MTMR2: variants seen among roughly 807,000 people sequenced by gnomAD.
The protein encoded by MTMR2 is myotubularin related protein 2, also known as phosphatidylinositol-3,5-bisphosphate 3-phosphatase MTMR2.
MTMR2 carries 55 observed loss-of-function variants against 86.9 expected under a neutral mutation model. The observed-to-expected ratio is 0.63, with a 90% confidence interval of 0.51 to 0.79. The LOEUF is 0.79. Ranked by LOEUF, MTMR2 falls within the 30% of genes least tolerant of loss-of-function variation. MTMR2 has a pLI of 0.00. For synonymous variants in MTMR2, 241 were observed against 266.8 expected, an observed-to-expected ratio of 0.90 and a Z score of 0.94; for missense variants, 659 against 772.3, an observed-to-expected ratio of 0.85 and a Z score of 1.74.
At chr11:95,861,853 T>C (rs1432611101) in intron 5 of MTMR2, 139 bp downstream of exon 5, 3 of 720,794 alleles carry the variant, frequency 4.2e-6, no homozygotes, top group Non-Finnish European at 7.0e-6. Context: ...TTTTGTTTTC[T>C]TCTATCAATG....
At chr11:95,884,038 G>A (rs150830780) in intron 2 of MTMR2, among the ~76,000 whole-genome samples, 56 of 152,266 alleles carry the variant, frequency 3.7e-4, no homozygotes, top group African/African-American at 1.2e-3. Flanking sequence ...AAGCCTAGAG[G>A]TTAACCAGCT....
intron 1 of MTMR2, among the ~76,000 whole-genome samples, chr11:95,894,706 A>T (rs765491394): frequency 4.6e-5 from 7 of 152,156 alleles, no homozygotes; most frequent in African/African-American, 2.4e-5. Context: ...AGTTTCTTGA[A>T]ATTTTGAAGA....
chr11:95,873,858 T>C (rs1006156021), intron 2 of MTMR2, among the ~76,000 whole-genome samples: 1 of 152,230 alleles, frequency 6.6e-6, no homozygotes, highest in African/African-American at 2.4e-5. Context: ...ATGTACCCAA[T>C]AGTCATTCAG....
At chr11:95,911,875 T>G (rs1264626043) in intron 1 of MTMR2, among the ~76,000 whole-genome samples, 2 of 152,118 alleles carry the variant, frequency 1.3e-5, no homozygotes, top group Non-Finnish European at 2.9e-5. Context: ...GTCATGTAAT[T>G]TTCTCACTCC....
intron 1 of MTMR2, among the ~76,000 whole-genome samples, chr11:95,921,761 G>A (rs1282445636): frequency 6.6e-6 from 1 of 152,128 alleles, no homozygotes; most frequent in Non-Finnish European, 1.5e-5. Context: ...TTCTCTTATG[G>A]AAAATAGGAA....
rs1565344148 is a variant in MTMR2, at chr11:95,838,200, G to A, written c.1487C>T (p.Thr496Ile). The change falls in exon 13 of 15, where the codon ACC (threonine) becomes ATC (isoleucine). Residue 496 changes from threonine (T) to isoleucine (I), a missense_variant. Around this residue, in one of 3 missense-constraint regions of MTMR2, gnomAD observed 193 missense variants for 191.6 expected, o/e 1.01. Coordinates refer to ENST00000346299, the MANE Select transcript of MTMR2 (RefSeq NM_016156.6). ...AAAATACTCATTGAATTCAAATGCG[G>A]TAGGAAACTGCAAATCAAACATCAC... ...CVWQMTRQFPTAFEFNEYFLI... is the reference protein window; with the variant it reads ...CVWQMTRQFPIAFEFNEYFLI... The A allele has an allele frequency of 1.9e-6, 3 of 1,564,346 alleles. No homozygotes were observed. The highest frequency in any genetic ancestry group is 2.6e-6 in the Non-Finnish European group (3 of 1,135,374).
chr11:95,886,015 A>T (rs1385436511), intron 2 of MTMR2, among the ~76,000 whole-genome samples: 1 of 152,178 alleles, frequency 6.6e-6, no homozygotes, highest in Non-Finnish European at 1.5e-5. Flanking sequence ...ATCAAAAACA[A>T]GATACAGTCT....
At chr11:95,868,166 G>A (rs1864688582) in intron 2 of MTMR2, among the ~76,000 whole-genome samples, 1 of 150,722 alleles carries the variant, frequency 6.6e-6, no homozygotes, top group Non-Finnish European at 1.5e-5. Flanking sequence ...AGCTACTTGG[G>A]AGGCTGTGAT....
intron 12 of MTMR2, among the ~76,000 whole-genome samples, chr11:95,840,785 A>C (rs1461217687): frequency 6.6e-6 from 1 of 152,192 alleles, no homozygotes; most frequent in Non-Finnish European, 1.5e-5. Flanking sequence ...CTCCTAAATA[A>C]ATATGATCCA....
chr11:95,923,584 G>C (rs923176218), intron 1 of MTMR2: 1 of 1,035,070 alleles, frequency 9.7e-7, no homozygotes, highest in South Asian at 2.1e-5. Flanking sequence ...GTTTGAGAGG[G>C]AATGAAAGAC....
chr11:95,873,952 C>A (rs1591010415), intron 2 of MTMR2, among the ~76,000 whole-genome samples: 1 of 152,174 alleles, frequency 6.6e-6, no homozygotes, highest in Non-Finnish European at 1.5e-5. Flanking sequence ...GCACTGTGGT[C>A]TGAGAGACAG....
chr11:95,865,330 C>T, intron 3 of MTMR2: 2 of 416,080 alleles, frequency 4.8e-6, no homozygotes, highest in South Asian at 5.1e-5. Context: ...AGCAAAAATC[C>T]ACCTACTTTT....
At chr11:95,855,496 C>T (rs1158954743) in intron 7 of MTMR2, among the ~76,000 whole-genome samples, 2 of 152,102 alleles carry the variant, frequency 1.3e-5, no homozygotes, top group East Asian at 3.9e-4. Flanking sequence ...AAGCGACCTG[C>T]CTGCCTCGGC....
At chr11:95,883,150 T>C (rs1370652487) in intron 2 of MTMR2, among the ~76,000 whole-genome samples, 1 of 152,124 alleles carries the variant, frequency 6.6e-6, no homozygotes, top group Admixed American at 6.5e-5. Context: ...GCTTGACTTT[T>C]ATCTTTCAAT....
rs1866163018 is a variant in MTMR2, at chr11:95,903,910, T to C, written c.81-15649A>G. 3.3e-5 allele frequency among the ~76,000 whole-genome samples: 5 copies of C among 152,172 alleles called. No homozygotes were observed. The South Asian group carries it at 1.0e-3, about 32-fold the overall frequency. On this transcript the variant is annotated intron_variant, in intron 1 of 14. Transcript: ENST00000346299. The stretch of plus-strand genomic sequence containing the variant: ...CAGGCGGATCACGAGGTCAGGAGAT[T>C]GACACTACCCTGGCTAAGATGGTGA...
intron 2 of MTMR2, among the ~76,000 whole-genome samples, chr11:95,867,661 T>G (rs571353408): frequency 6.6e-6 from 1 of 152,248 alleles, no homozygotes; most frequent in African/African-American, 2.4e-5. Context: ...CAACTAATTC[T>G]ACACTGGAGA....
intron 1 of MTMR2, among the ~76,000 whole-genome samples, chr11:95,911,397 A>G (rs1014016446): frequency 2.6e-5 from 4 of 152,152 alleles, no homozygotes; most frequent in Non-Finnish European, 4.4e-5. Flanking sequence ...TTGTTTCTTC[A>G]AAGAACTTAT....
intron 2 of MTMR2, among the ~76,000 whole-genome samples, chr11:95,882,936 C>T (rs1345590319): frequency 1.7e-5 from 2 of 118,162 alleles, no homozygotes; most frequent in East Asian, 2.5e-4. Flanking sequence ...TTTAGAGAGA[C>T]GGGGTTTCAC....
At chr11:95,899,565 G>A (rs1401051925) in intron 1 of MTMR2, among the ~76,000 whole-genome samples, 1 of 151,670 alleles carries the variant, frequency 6.6e-6, no homozygotes, top group Non-Finnish European at 1.5e-5. Flanking sequence ...CCCAATTATA[G>A]CCTCATGGGA....
Sources: allele counts gnomAD v4.1 joint callset (sites outside exome capture counted in the v4.1 genomes callset), GRCh38; gene constraint gnomAD v4.1.1; regional missense constraint gnomAD v4.1.1; transcripts MANE v1.5; gene names NCBI Gene and HGNC (gene_info 2026-07-23, HGNC 2026-07-21).